Variants in POR observed in about 807,000 individuals in gnomAD.
The protein encoded by POR is NADPH--cytochrome P450 reductase.
In POR, 56 loss-of-function variants were observed where a neutral mutation model predicts 84.0. The observed-to-expected ratio is 0.67, with a 90% confidence interval of 0.54 to 0.83. The LOEUF (loss-of-function observed/expected upper bound fraction) is 0.83, where lower values mean the gene tolerates loss of function less well. Ranked by LOEUF, POR falls within the 40% of genes least tolerant of loss-of-function variation. The probability of loss-of-function intolerance (pLI) is 0.00; values close to 1 mark genes in which losing one functional copy is unlikely to be tolerated. For synonymous variants in POR, 414 were observed against 400.5 expected (o/e 1.03, Z -0.40); for missense variants, 938 against 944.3 (o/e 0.99, Z 0.09).
At chr7:75,970,333 G>C (rs907423713) in intron 2 of POR, among the ~76,000 whole-genome samples, 1 of 151,660 alleles carries the variant, frequency 6.6e-6, no homozygotes, top group Non-Finnish European at 1.5e-5. Context: ...TCTGTCTCCC[G>C]GGCTGGAACC....
rs782505997 is a variant in POR at position 75,983,561 on chromosome 7, C to A, written c.872C>A (p.Thr291Asn). 8.1e-6 allele frequency: 13 copies of A among 1,613,150 alleles called. No individual in the cohort carries two copies. Among genetic ancestry groups the A allele is most frequent in the Non-Finnish European group, 1.1e-5 (13 of 1,179,846 alleles). The change falls in exon 9 of 16, where the codon ACC (threonine) becomes AAC (asparagine). Residue 291 changes from threonine to asparagine, a missense_variant. Transcript: ENST00000461988. ...AATCCGTTCCTGGCTGCAGTCACCA[C>A]CAACCGGAAGCTGAACCAGGGAACC...
At chr7:75,918,924 G>A (rs771913026) in intron 1 of POR, among the ~76,000 whole-genome samples, 15 of 152,020 alleles carry the variant, frequency 9.9e-5, no homozygotes, top group Non-Finnish European at 1.5e-4. Context: ...GTCTGAAATG[G>A]TCCTAGGAAC....
rs782810849 is a variant in POR, at chr7:75,981,570, A to G, written c.695A>G (p.Glu232Gly). ...GAGCAGTTCTGGCCGGCCGTGTGTG[A>G]ACACTTTGGGGTGGAAGCCACTGGC... is the stretch of plus-strand genomic sequence containing the variant. The change falls in exon 7 of 16, where the codon GAA (glutamate) becomes GGA (glycine). Residue 232 changes from glutamate to glycine, a missense_variant. Coordinates refer to ENST00000461988, the MANE Select transcript of POR (RefSeq NM_000941.3). 1 of 1,613,146 alleles carries G rather than the reference A, an allele frequency of 6.2e-7. No homozygotes were observed. The highest frequency in any genetic ancestry group is 1.7e-5 in the Admixed American group (1 of 59,972).
intron 2 of POR, among the ~76,000 whole-genome samples, chr7:75,963,340 A>G (rs1719914491): frequency 6.6e-6 from 1 of 152,216 alleles, no homozygotes; most frequent in African/African-American, 2.4e-5. Context: ...GACATGGGCC[A>G]GGGTGTTTCT....
At chr7:75,931,864 A>G (rs1554550176) in intron 1 of POR, among the ~76,000 whole-genome samples, 1 of 152,142 alleles carries the variant, frequency 6.6e-6, no homozygotes. Context: ...TGTGTCTTCC[A>G]CCAGAAAAGC....
chr7:75,951,863 TTGG>T (rs1554552882), intron 1 of POR, among the ~76,000 whole-genome samples: 1 of 152,252 alleles, frequency 6.6e-6, no homozygotes, highest in African/African-American at 2.4e-5. Flanking sequence ...CCAGGTGTCG[TTGG>T]TGGAAGGACC....
intron 10 of POR, 84 bp from the exon 11 acceptor site, chr7:75,984,693 C>A: frequency 8.0e-7 from 1 of 1,244,656 alleles, no homozygotes; most frequent in Non-Finnish European, 1.2e-6. Context: ...AGAGCTGGCC[C>A]AAGGTGTCAC....
chr7:75,981,649 C>A, intron 7 of POR, 43 bp downstream of exon 7: 1 of 1,557,296 alleles, frequency 6.4e-7, no homozygotes. Flanking sequence ...CTGGGCGGGT[C>A]CTGTGCCGAG....
intron 1 of POR, among the ~76,000 whole-genome samples, chr7:75,953,237 C>G (rs1436302560): frequency 7.1e-6 from 1 of 141,486 alleles, no homozygotes; most frequent in Non-Finnish European, 1.5e-5. Flanking sequence ...GAGAATCAGG[C>G]AGGGAGGTTG....
At chr7:75,975,990 T>TACTA (rs1788669535) in intron 3 of POR, among the ~76,000 whole-genome samples, 1 of 151,946 alleles carries the variant, frequency 6.6e-6, no homozygotes, top group Non-Finnish European at 1.5e-5. Flanking sequence ...ATTTCTCTAG[T>TACTA]GACATAAATA....
intron 1 of POR, among the ~76,000 whole-genome samples, chr7:75,922,285 T>G (rs1466518013): frequency 1.3e-5 from 2 of 151,744 alleles, no homozygotes; most frequent in African/African-American, 4.8e-5. Context: ...GCATATTGAC[T>G]GAGCTCAGAT....
At chr7:75,951,721 G>C (rs1585103128) in intron 1 of POR, among the ~76,000 whole-genome samples, 1 of 152,198 alleles carries the variant, frequency 6.6e-6, no homozygotes, top group African/African-American at 2.4e-5. Context: ...AAACCCAGTC[G>C]GTCATATCCA....
At chr7:75,975,977 C>T (rs1043671987) in intron 3 of POR, among the ~76,000 whole-genome samples, 9 of 151,770 alleles carry the variant, frequency 5.9e-5, no homozygotes, top group Non-Finnish European at 1.2e-4. Flanking sequence ...TACATCATGC[C>T]ACATTTCTCT....
At chr7:75,932,562 T>C (rs1554550266) in intron 1 of POR, among the ~76,000 whole-genome samples, 1 of 150,754 alleles carries the variant, frequency 6.6e-6, no homozygotes, top group South Asian at 2.1e-4. Flanking sequence ...TTCATGACTT[T>C]TTTAAAAACA....
chr7:75,985,634 C>T lies in POR; in HGVS notation c.1454C>T (p.Ala485Val). ...GTGGTTGTGGAGTACGAGACCAAGG[C>T]TGGCCGCATCAACAAGGGCGTGGCC... The change falls in exon 13 of 16, where the codon GCT becomes GTT. Residue 485 changes from alanine to valine, a missense_variant. Physicochemically the swap from Ala to Val is moderately conservative, Grantham distance 64. Transcript: ENST00000461988. 1 of 1,593,468 alleles carries T rather than the reference C, an allele frequency of 6.3e-7. No homozygotes were observed. Among genetic ancestry groups the T allele is most frequent in the Non-Finnish European group, 8.5e-7 (1 of 1,170,148 alleles).
At chr7:75,970,270 G>T (rs575163434) in intron 2 of POR, among the ~76,000 whole-genome samples, 1 of 152,142 alleles carries the variant, frequency 6.6e-6, no homozygotes, top group East Asian at 2.0e-4. Flanking sequence ...GGCCCCACAT[G>T]TACCACTTCT....
intron 1 of POR, among the ~76,000 whole-genome samples, chr7:75,941,919 G>A (rs550542780): frequency 1.4e-4 from 21 of 152,120 alleles, no homozygotes; most frequent in African/African-American, 4.3e-4. Context: ...AATGATTTTT[G>A]TAGGGATAAC....
At chr7:75,937,863 G>A (rs945112117) in intron 1 of POR, among the ~76,000 whole-genome samples, 2 of 152,190 alleles carry the variant, frequency 1.3e-5, no homozygotes, top group African/African-American at 2.4e-5. Context: ...TTTTGTGCCT[G>A]TAAATCACCT....
chr7:75,951,062 G>A (rs369808634), intron 1 of POR, among the ~76,000 whole-genome samples: 1 of 14,258 alleles, frequency 7.0e-5, no homozygotes, highest in East Asian at 2.1e-3. Context: ...CTGTCCCCCG[G>A]CCCCCCCCCC....
Sources: gnomAD v4.1 joint callset for allele counts (sites outside exome capture counted in the v4.1 genomes callset) on GRCh38, gnomAD v4.1.1 for gene constraint, MANE v1.5 for transcripts, NCBI Gene and HGNC (gene_info 2026-07-23, HGNC 2026-07-21) for gene names.